KLHL1: variants seen among roughly 807,000 people sequenced by gnomAD.
The protein encoded by KLHL1 is kelch like family member 1.
In KLHL1, 47 loss-of-function variants were observed where a neutral mutation model predicts 77.7. The observed-to-expected ratio is 0.60, with a 90% CI of 0.48 to 0.77. The LOEUF is 0.77. KLHL1 is among the 30% of genes least tolerant of loss of function. The pLI, the probability that KLHL1 is intolerant of heterozygous loss-of-function variation, is 0.00. For missense variants in KLHL1, 925 were observed against 910.8 expected (o/e 1.02, Z -0.20); for synonymous variants, 360 against 325.2 (o/e 1.11, Z -1.15).
intron 4 of KLHL1, among the ~76,000 whole-genome samples, chr13:69,885,066 G>A (rs1489505711): frequency 7.1e-6 from 1 of 140,560 alleles, no homozygotes; most frequent in African/African-American, 2.9e-5. Flanking sequence ...TCAGCCTCCC[G>A]AGTAGCTGGG....
At chr13:69,755,921 A>G (rs1312023798) in intron 7 of KLHL1, among the ~76,000 whole-genome samples, 1 of 152,116 alleles carries the variant, frequency 6.6e-6, no homozygotes, top group Non-Finnish European at 1.5e-5. Context: ...ATTTTGTGAA[A>G]ATTTCTTAAT....
chr13:70,023,788 T>C (rs1007057618), intron 1 of KLHL1, among the ~76,000 whole-genome samples: 2 of 151,912 alleles, frequency 1.3e-5, no homozygotes, highest in African/African-American at 4.8e-5. Flanking sequence ...ATCCTTTATA[T>C]TGCCAGTAAA....
intron 7 of KLHL1, among the ~76,000 whole-genome samples, chr13:69,780,712 A>ATG (rs1876116960): frequency 9.2e-5 from 4 of 43,590 alleles, no homozygotes; most frequent in African/African-American, 4.6e-4. Flanking sequence ...GTATATATAT[A>ATG]TATGTATATA....
intron 7 of KLHL1, among the ~76,000 whole-genome samples, chr13:69,751,340 C>T (rs144272165): frequency 2.2e-3 from 333 of 151,926 alleles, no homozygotes; most frequent in African/African-American, 7.0e-3. Context: ...CCTCACAGAA[C>T]GCGTACAGGT....
rs970085410 is a variant in KLHL1 at position 70,047,941 on chromosome 13, C to G, written c.497+59262G>C. Reference sequence around the variant, plus strand: ...GGATATGACATTTAGTATCTCTGAGCCTGAGTCCCTTAGAACAAGACAGAA... The same window carrying G: ...GGATATGACATTTAGTATCTCTGAGGCTGAGTCCCTTAGAACAAGACAGAA... On this transcript the variant is annotated intron_variant, in intron 1 of 10. Transcript: ENST00000377844. Among the ~76,000 whole-genome samples, 5 of 151,964 alleles carry G rather than the reference C, an allele frequency of 3.3e-5. No homozygotes were observed. In the South Asian group the frequency reaches 6.2e-4, roughly 19 times the overall value.
chr13:69,869,956 T>G (rs2138172168), intron 5 of KLHL1, among the ~76,000 whole-genome samples: 1 of 152,292 alleles, frequency 6.6e-6, no homozygotes, highest in Middle Eastern at 3.4e-3. Context: ...GATAATTTAT[T>G]TGTCGAGCAA....
At chr13:69,957,333 G>T (rs1289381529) in intron 3 of KLHL1, among the ~76,000 whole-genome samples, 1 of 151,630 alleles carries the variant, frequency 6.6e-6, no homozygotes, top group Non-Finnish European at 1.5e-5. Flanking sequence ...AATCCTGTGC[G>T]TTGCCAAATT....
intron 1 of KLHL1, among the ~76,000 whole-genome samples, chr13:70,072,698 G>T (rs907529563): frequency 7.9e-5 from 12 of 151,788 alleles, no homozygotes; most frequent in African/African-American, 2.9e-4. Flanking sequence ...AAAAAAAGGG[G>T]GATTATATCA....
chr13:69,774,414 A>G (rs1875723944), intron 7 of KLHL1, among the ~76,000 whole-genome samples: 1 of 152,014 alleles, frequency 6.6e-6, no homozygotes, highest in African/African-American at 2.4e-5. Flanking sequence ...TAATCTTCCT[A>G]TGATTTTGTT....
chr13:69,724,327 T>C (rs557058587), intron 8 of KLHL1, among the ~76,000 whole-genome samples: 40 of 152,138 alleles, frequency 2.6e-4, no homozygotes, highest in Non-Finnish European at 2.1e-4. Flanking sequence ...CTCCTGAGGG[T>C]GTGTTATGAG....
intron 3 of KLHL1, 75 bp downstream of exon 3, chr13:69,961,233 T>C: frequency 7.1e-7 from 1 of 1,399,408 alleles, no homozygotes; most frequent in Non-Finnish European, 9.8e-7. Context: ...TAAAAAAGCG[T>C]TAAATCCTGT....
intron 7 of KLHL1, among the ~76,000 whole-genome samples, chr13:69,763,947 T>G (rs1464075209): frequency 6.6e-6 from 1 of 152,140 alleles, no homozygotes; most frequent in African/African-American, 2.4e-5. Context: ...TTTCTATTGT[T>G]CTGTTTTCCT....
At chr13:69,814,320 T>C (rs190308229) in intron 6 of KLHL1, among the ~76,000 whole-genome samples, 18 of 152,230 alleles carry the variant, frequency 1.2e-4, no homozygotes, top group African/African-American at 4.1e-4. Flanking sequence ...AACACTCTTC[T>C]AGACATTTGC....
chr13:69,805,867 C>T (rs1296320910), intron 6 of KLHL1, among the ~76,000 whole-genome samples: 2 of 151,500 alleles, frequency 1.3e-5, no homozygotes, highest in African/African-American at 4.8e-5. Context: ...TAAAATTATA[C>T]TGGCATTTCT....
At chr13:70,065,371 A>T (rs186062647) in intron 1 of KLHL1, among the ~76,000 whole-genome samples, 23 of 152,200 alleles carry the variant, frequency 1.5e-4, no homozygotes, top group Non-Finnish European at 2.8e-4. Context: ...TAGTCAAATC[A>T]CTCTAGATCA....
intron 5 of KLHL1, among the ~76,000 whole-genome samples, chr13:69,858,287 G>T (rs1880001791): frequency 6.6e-6 from 1 of 152,074 alleles, no homozygotes; most frequent in Admixed American, 6.6e-5. Context: ...GGGGTTGGGT[G>T]AGACTCCTTG....
intron 6 of KLHL1, among the ~76,000 whole-genome samples, chr13:69,829,000 T>C (rs1878657527): frequency 6.7e-6 from 1 of 150,340 alleles, no homozygotes; most frequent in Non-Finnish European, 1.5e-5. Flanking sequence ...CGTAATCTCT[T>C]AGGAGCTCTA....
At chr13:69,844,778 T>C (rs1879391973) in intron 5 of KLHL1, among the ~76,000 whole-genome samples, 1 of 151,662 alleles carries the variant, frequency 6.6e-6, no homozygotes, top group Non-Finnish European at 1.5e-5. Flanking sequence ...ATTTATTTAT[T>C]TATTTATTAA....
chr13:69,747,468 G>C (rs1266639118), intron 7 of KLHL1, among the ~76,000 whole-genome samples: 1 of 151,992 alleles, frequency 6.6e-6, no homozygotes, highest in Non-Finnish European at 1.5e-5. Flanking sequence ...TGATGAAGAT[G>C]ATAAGAATTA....
Sources: allele counts gnomAD v4.1 joint callset (sites outside exome capture counted in the v4.1 genomes callset), GRCh38; gene constraint gnomAD v4.1.1; transcripts MANE v1.5; gene names NCBI Gene and HGNC (gene_info 2026-07-23, HGNC 2026-07-21).